SLC9B1: variants seen among roughly 807,000 people sequenced by gnomAD.
The protein encoded by SLC9B1 is solute carrier family 9 member B1.
Under a neutral mutation model 51.7 loss-of-function variants are expected in SLC9B1, and 32 were observed. The observed-to-expected ratio is 0.62, with a 90% CI of 0.47 to 0.83. The LOEUF (loss-of-function observed/expected upper bound fraction) is 0.83, where lower values mean the gene tolerates loss of function less well. Ranked by LOEUF, SLC9B1 falls within the 40% of genes least tolerant of loss-of-function variation. SLC9B1 has a pLI of 0.00. For synonymous variants in SLC9B1, 145 were observed against 212.7 expected (o/e 0.68, Z 2.77); for missense variants, 406 against 613.2 (o/e 0.66, Z 3.57).
intron 11 of SLC9B1, among the ~76,000 whole-genome samples, chr4:102,901,844 A>G (rs913004991): frequency 3.3e-5 from 5 of 152,104 alleles, no homozygotes; most frequent in African/African-American, 4.8e-5. Context: ...TTTGAATTCT[A>G]TTTTTGCTGC....
At chr4:102,971,252 A>C (rs1344001698) in intron 3 of SLC9B1, among the ~76,000 whole-genome samples, 1 of 152,218 alleles carries the variant, frequency 6.6e-6, no homozygotes. Flanking sequence ...AGCACTCCTC[A>C]GCAAATGTAA....
chr4:102,951,967 T>TTTTATTTATTTA lies in SLC9B1; in HGVS notation c.212-2541_212-2540insTAAATAAATAAA. 1.8e-4 allele frequency among the ~76,000 whole-genome samples: 2 copies of TTTTATTTATTTA among 11,262 alleles called. 1 individual carries two copies. Among genetic ancestry groups the TTTTATTTATTTA allele is most frequent in the East Asian group, 6.5e-3 (2 of 306 alleles). 7.4% of individuals were successfully genotyped at this position (11,262 alleles called of 152,430 possible). Reference sequence around the variant, plus strand: ...CAAAGGCAAAAATAAAATCTTTTTTTTTTTTTTTTTTTTATTATACTCTAA... The same window carrying TTTTATTTATTTA: ...CAAAGGCAAAAATAAAATCTTTTTTTTTTATTTATTTATTTTTTTTTTTTTATTATACTCTAA... On this transcript the variant is annotated intron_variant, in intron 3 of 11. Transcript: ENST00000296422.
chr4:102,994,089 C>A (rs1000095625), intron 1 of SLC9B1, among the ~76,000 whole-genome samples: 4 of 152,180 alleles, frequency 2.6e-5, no homozygotes, highest in African/African-American at 9.6e-5. Context: ...TAACATTTGA[C>A]TCCTCATTAC....
chr4:102,988,644 G>C (rs919873809), intron 3 of SLC9B1, among the ~76,000 whole-genome samples: 1 of 152,062 alleles, frequency 6.6e-6, no homozygotes, highest in Admixed American at 6.6e-5. Context: ...TGTGTTGAGA[G>C]AGAGGGACAA....
intron 6 of SLC9B1, among the ~76,000 whole-genome samples, chr4:102,937,495 G>A (rs541370370): frequency 6.7e-6 from 1 of 149,906 alleles, no homozygotes; most frequent in Admixed American, 6.6e-5. Flanking sequence ...GGGAGGCTGA[G>A]GGGGGTGGAT....
intron 3 of SLC9B1, among the ~76,000 whole-genome samples, chr4:102,988,297 G>A (rs1351636348): frequency 6.6e-6 from 1 of 152,114 alleles, no homozygotes; most frequent in Non-Finnish European, 1.5e-5. Context: ...TTCCCCAAAT[G>A]AGGTATGCAA....
chr4:102,914,247 A>G (rs1314006838), intron 7 of SLC9B1, among the ~76,000 whole-genome samples: 1 of 81,848 alleles, frequency 1.2e-5, no homozygotes, highest in Non-Finnish European at 2.3e-5. Context: ...CAGCCAGTGC[A>G]GGGTCTGCAA....
chr4:102,988,002 A>C (rs951108273), intron 3 of SLC9B1, among the ~76,000 whole-genome samples: 1 of 151,916 alleles, frequency 6.6e-6, no homozygotes, highest in Non-Finnish European at 1.5e-5. Flanking sequence ...TAGAACTGGA[A>C]ACTGGAAGTC....
exon 12 of SLC9B1, chr4:102,885,285 C>G: frequency 6.2e-7 from 1 of 1,614,076 alleles, no homozygotes; most frequent in Non-Finnish European, 8.5e-7. Context: ...GCAGTTCGTC[C>G]ATTCCTCCCG....
chr4:102,979,357 C>T (rs1223089894), intron 3 of SLC9B1, among the ~76,000 whole-genome samples: 1 of 152,136 alleles, frequency 6.6e-6, no homozygotes, highest in East Asian at 1.9e-4. Context: ...AGTAAACTCT[C>T]CTCTTTTCAT....
At chr4:103,005,204 T>C (rs896719610) in intron 1 of SLC9B1, among the ~76,000 whole-genome samples, 4 of 149,710 alleles carry the variant, frequency 2.7e-5, no homozygotes, top group African/African-American at 9.8e-5. Flanking sequence ...TCATCTCACA[T>C]GCAATGATAA....
chr4:102,975,383 G>A (rs540691564), intron 3 of SLC9B1, among the ~76,000 whole-genome samples: 2 of 151,620 alleles, frequency 1.3e-5, no homozygotes, highest in African/African-American at 4.8e-5. Flanking sequence ...CAGTGTAGAA[G>A]CCAGGAACTC....
At chr4:103,010,380 ACCC>A (rs1741031854) in intron 1 of SLC9B1, among the ~76,000 whole-genome samples, 1 of 152,128 alleles carries the variant, frequency 6.6e-6, no homozygotes. Context: ...AATTAACCTC[ACCC>A]ATGTGGGCAC....
intron 3 of SLC9B1, among the ~76,000 whole-genome samples, chr4:102,956,378 TC>T (rs924719727): frequency 2.0e-5 from 3 of 151,040 alleles, no homozygotes; most frequent in African/African-American, 4.9e-5. Context: ...TGATAAGTTC[TC>T]CACACATATA....
intron 3 of SLC9B1, among the ~76,000 whole-genome samples, chr4:102,970,554 C>T (rs867647886): frequency 5.3e-5 from 8 of 151,548 alleles, no homozygotes; most frequent in Admixed American, 1.3e-4. Flanking sequence ...TAAAGACCAT[C>T]GATCCTAGGA....
intron 11 of SLC9B1, among the ~76,000 whole-genome samples, chr4:102,904,881 G>C (rs1261622843): frequency 6.6e-6 from 1 of 152,032 alleles, no homozygotes; most frequent in Non-Finnish European, 1.5e-5. Context: ...CTACTCAGAA[G>C]GCTGAGGCAG....
intron 3 of SLC9B1, among the ~76,000 whole-genome samples, chr4:102,964,187 C>T (rs1458588459): frequency 1.5e-4 from 23 of 151,314 alleles, no homozygotes; most frequent in Non-Finnish European, 2.7e-4. Flanking sequence ...GCAAAAAATT[C>T]GACAACTTAG....
chr4:103,016,226 C>A (rs1741328298), intron 1 of SLC9B1, among the ~76,000 whole-genome samples: 1 of 151,190 alleles, frequency 6.6e-6, no homozygotes, highest in Non-Finnish European at 1.5e-5. Context: ...GATTCCATAC[C>A]CTCTCATTTT....
chr4:102,986,056 T>G (rs1326378482), intron 3 of SLC9B1, among the ~76,000 whole-genome samples: 1 of 152,166 alleles, frequency 6.6e-6, no homozygotes, highest in African/African-American at 2.4e-5. Context: ...CTTTCGAATA[T>G]TCTTCCTTTT....
Sources: allele counts gnomAD v4.1 joint callset (sites outside exome capture counted in the v4.1 genomes callset), GRCh38; gene constraint gnomAD v4.1.1; transcripts MANE v1.5; gene names NCBI Gene and HGNC (gene_info 2026-07-23, HGNC 2026-07-21).